Variants in ATP11C observed in about 807,000 individuals in gnomAD.
The protein encoded by ATP11C is ATPase phospholipid transporting 11C (ATP11C blood group).
ATP11C carries 36 observed loss-of-function variants against 97.4 expected under a neutral mutation model. The ratio of observed to expected loss-of-function variants is 0.37; its 90% CI spans 0.28 to 0.49. The LOEUF (loss-of-function observed/expected upper bound fraction) is 0.49, where lower values mean the gene tolerates loss of function less well. Ranked by LOEUF, ATP11C falls within the 20% of genes least tolerant of loss-of-function variation. The pLI is 0.98. For synonymous variants in ATP11C, 275 were observed against 290.9 expected, an observed-to-expected ratio of 0.95 and a Z score of 0.56; for missense variants, 730 against 824.6, an observed-to-expected ratio of 0.89 and a Z score of 1.40.
At chrX:139,785,161 G>T in intron 16 of ATP11C, 65 bp downstream of exon 16, 1 of 841,312 alleles carries the variant, frequency 1.2e-6, no homozygotes, top group South Asian at 2.4e-5. Context: ...TTTCCTGAAA[G>T]AGTGAATCAA....
intron 5 of ATP11C, among the ~76,000 whole-genome samples, chrX:139,811,532 G>A (rs190533953): frequency 9.0e-4 from 99 of 110,490 alleles, no homozygotes; most frequent in Admixed American, 1.3e-3. Context: ...CAGTTGCTCA[G>A]GCCAAAACCA....
intron 1 of ATP11C, among the ~76,000 whole-genome samples, chrX:139,884,025 G>T (rs1296218244): frequency 8.9e-6 from 1 of 111,847 alleles, no homozygotes; most frequent in Non-Finnish European, 1.9e-5. Context: ...ATCAAGGGAT[G>T]GTGTGGTATT....
intron 24 of ATP11C, among the ~76,000 whole-genome samples, chrX:139,749,291 A>T (rs1473132907): frequency 1.8e-5 from 2 of 112,446 alleles, no homozygotes; most frequent in African/African-American, 6.5e-5. Flanking sequence ...GCTGGTTAAA[A>T]AAAATCCCTT....
chrX:139,749,776 A>G (rs2081771720), intron 24 of ATP11C, among the ~76,000 whole-genome samples: 1 of 112,051 alleles, frequency 8.9e-6, no homozygotes, highest in Non-Finnish European at 1.9e-5. Flanking sequence ...ATGACAATAT[A>G]GTTTCAAGTT....
At chrX:139,921,751 C>A (rs772334875) in intron 1 of ATP11C, among the ~76,000 whole-genome samples, 3 of 111,613 alleles carry the variant, frequency 2.7e-5, no homozygotes, top group Non-Finnish European at 3.8e-5. Context: ...AGAAAATGAA[C>A]TGCCATCCTG....
At chrX:139,783,842 T>C (rs1274896974) in intron 16 of ATP11C, among the ~76,000 whole-genome samples, 2 of 106,383 alleles carry the variant, frequency 1.9e-5, no homozygotes, top group Non-Finnish European at 3.8e-5. Context: ...CACTCCAGCC[T>C]AGATGACAGA....
chrX:139,742,898 TATATATATATATATAA>T lies in ATP11C; in HGVS notation c.3030+645_3030+660del, dbSNP rs1420246235. 1.0e-3 allele frequency among the ~76,000 whole-genome samples: 70 copies of T among 69,853 alleles called. 3 individuals carry two copies. In the East Asian group the frequency reaches 0.015, roughly 15 times the overall value. 60.7% of individuals were successfully genotyped at this position (69,853 alleles called of 115,157 possible). A position where few individuals can be genotyped will look rare whatever the true frequency, so the allele number is the denominator to read the frequency against. ...AAAAATATATATATATATATATATA[TATATATATATATATAA>T]AAATAGAGACAGGGTCTTGCTATGT... On this transcript the variant is annotated intron_variant, in intron 26 of 29. Coordinates refer to ENST00000682941, the MANE Select transcript of ATP11C (RefSeq NM_001353812.2).
chrX:139,737,530 T>A (rs775686634), intron 28 of ATP11C, among the ~76,000 whole-genome samples: 2 of 111,365 alleles, frequency 1.8e-5, no homozygotes, highest in African/African-American at 6.5e-5. Flanking sequence ...TATTATCAAC[T>A]GAAAAAAATC....
At chrX:139,804,731 T>C in intron 5 of ATP11C, 132 bp from the exon 6 acceptor site, 1 of 456,048 alleles carries the variant, frequency 2.2e-6, no homozygotes, top group Non-Finnish European at 3.6e-6. Context: ...GCATCCTACA[T>C]CATGTGAAAG....
rs776006638 is a variant in ATP11C, at chrX:139,872,116, C to T, written c.28-45293G>A. Among the ~76,000 whole-genome samples, 9 of 111,251 alleles carry T rather than the reference C, an allele frequency of 8.1e-5. No homozygotes were observed. The East Asian group carries it at 2.5e-3, about 31-fold the overall frequency. On this transcript the variant is annotated intron_variant, in intron 1 of 29. Transcript: ENST00000682941. ...CCTAAAAAATTAAAACATAATAATG[C>T]TTTGTGTAAACAGCTAAAAATTGAT... is the stretch of plus-strand genomic sequence containing the variant.
intron 5 of ATP11C, among the ~76,000 whole-genome samples, chrX:139,805,051 G>A (rs1313663982): frequency 2.7e-5 from 3 of 111,684 alleles, no homozygotes; most frequent in Non-Finnish European, 5.6e-5. Flanking sequence ...GTTGTTGGGT[G>A]CCAGGTCCTT....
At chrX:139,899,247 G>A (rs1366351566) in intron 1 of ATP11C, among the ~76,000 whole-genome samples, 2 of 110,930 alleles carry the variant, frequency 1.8e-5, no homozygotes, top group South Asian at 3.8e-4. Context: ...TTGGGAGGCC[G>A]AGGCAGGGGG....
chrX:139,732,106 T>C (rs1449712211), intron 28 of ATP11C, among the ~76,000 whole-genome samples: 1 of 110,246 alleles, frequency 9.1e-6, no homozygotes, highest in Admixed American at 9.7e-5. Flanking sequence ...CCTCTGAGAG[T>C]TGTGCCGGTG....
At chrX:139,771,134 A>T (rs1372719788) in intron 19 of ATP11C, among the ~76,000 whole-genome samples, 2 of 111,440 alleles carry the variant, frequency 1.8e-5, no homozygotes, top group African/African-American at 3.3e-5. Context: ...GGAGGGACCC[A>T]GGGGGAGGTA....
At chrX:139,814,743 G>A (rs747855040) in intron 5 of ATP11C, 135 bp downstream of exon 5, 5 of 382,909 alleles carry the variant, frequency 1.3e-5, no homozygotes, top group East Asian at 4.8e-5. Flanking sequence ...TTTCCTTTTC[G>A]GGTGATGAAA....
intron 1 of ATP11C, among the ~76,000 whole-genome samples, chrX:139,882,334 A>G (rs1339420965): frequency 3.6e-5 from 4 of 111,666 alleles, no homozygotes; most frequent in Non-Finnish European, 7.5e-5. Flanking sequence ...GAATTTAACG[A>G]AAGAGAAAAG....
intron 1 of ATP11C, among the ~76,000 whole-genome samples, chrX:139,866,254 G>T (rs2084280088): frequency 1.0e-5 from 1 of 99,917 alleles, no homozygotes; most frequent in Admixed American, 1.2e-4. Flanking sequence ...TGAGGAAGGA[G>T]AATCGCTTGA....
At chrX:139,906,210 G>GCC (rs770739955) in intron 1 of ATP11C, among the ~76,000 whole-genome samples, 1 of 107,817 alleles carries the variant, frequency 9.3e-6, no homozygotes, top group Non-Finnish European at 1.9e-5. Context: ...TGTAGCTTGA[G>GCC]CCCAGGAGTT....
chrX:139,809,908 G>A (rs1446590500), intron 5 of ATP11C, among the ~76,000 whole-genome samples: 4 of 111,341 alleles, frequency 3.6e-5, no homozygotes, highest in Non-Finnish European at 7.5e-5. Flanking sequence ...AGACGTTGCG[G>A]TGAGCCAAGA....
Sources: allele counts gnomAD v4.1 joint callset (sites outside exome capture counted in the v4.1 genomes callset), GRCh38; gene constraint gnomAD v4.1.1; transcripts MANE v1.5; gene names NCBI Gene and HGNC (gene_info 2026-07-23, HGNC 2026-07-21).